Variants in UACA observed in about 807,000 individuals in gnomAD.
UACA encodes nuclear membrane binding protein.
In UACA, 112 loss-of-function variants were observed where a neutral mutation model predicts 160.5. The ratio of observed to expected loss-of-function variants is 0.70; its 90% CI spans 0.60 to 0.82. The LOEUF is 0.82. UACA is among the 40% of genes least tolerant of loss of function. The probability of loss-of-function intolerance (pLI) is 0.00; values close to 1 mark genes in which losing one functional copy is unlikely to be tolerated. For synonymous variants in UACA, 557 were observed against 568.4 expected (o/e 0.98, Z 0.29); for missense variants, 1,574 against 1,614.6 (o/e 0.97, Z 0.43).
the UACA span, among the ~76,000 whole-genome samples, chr15:70,771,360 G>A: frequency 6.6e-6 from 1 of 152,218 alleles, no homozygotes; most frequent in Non-Finnish European, 1.5e-5. Flanking sequence ...AAAAGGAAAA[G>A]GCACTGAATA....
chr15:70,699,541 C>T lies in UACA; in HGVS notation c.198G>A (p.Val66=). The change falls in exon 2 of 19, where the codon GTG becomes GTA. Residue 66 remains valine, a synonymous_variant. Transcript: ENST00000322954. ...KKGVNPGKLD[V]EGRSVFHVVT... ...ATAATACTTACACAGATCTGCCTTC[C>T]ACATCTAGTTTGCCTGGATTGACCC... The T allele has an allele frequency of 6.2e-7, 1 of 1,611,010 alleles. No individual in the cohort carries two copies. The highest frequency in any genetic ancestry group is 1.1e-5 in the South Asian group (1 of 90,834).
At chr15:70,722,327 T>C (rs530676836) in intron 1 of UACA, among the ~76,000 whole-genome samples, 124 of 152,244 alleles carry the variant, frequency 8.1e-4, no homozygotes, top group Middle Eastern at 3.4e-3. Context: ...ATCACTTTTT[T>C]TTTTTTTTGA....
intron 1 of UACA, chr15:70,758,531 A>G (rs2030561605): frequency 6.6e-6 from 1 of 152,168 alleles, no homozygotes; most frequent in Non-Finnish European, 1.5e-5. Context: ...AATGCACCCA[A>G]ATCCCTCAGT....
the UACA span, among the ~76,000 whole-genome samples, chr15:70,774,027 T>G: frequency 1.3e-5 from 2 of 152,270 alleles, no homozygotes; most frequent in South Asian, 4.1e-4. Flanking sequence ...AAGCACCACA[T>G]CTCACCCTTT....
rs1896472827 is a variant in UACA at position 70,656,323 on chromosome 15, C to T, written c.*733G>A. 6.6e-6 allele frequency: 1 copy of T among 151,978 alleles called. No homozygotes were observed. Among genetic ancestry groups the T allele is most frequent in the Non-Finnish European group, 1.5e-5 (1 of 67,996 alleles). The allele number at this position is 151,978 out of a possible 1,614,324, so 9.4% of individuals were successfully genotyped here. ...ATCTAGTATATCATCTATCATTATT[C>T]TCCAATATTGTGGCAAGAATAGTCA... On this transcript the variant is annotated 3_prime_UTR_variant, in exon 19 of 19. Transcript: ENST00000322954.
intron 1 of UACA, among the ~76,000 whole-genome samples, chr15:70,745,136 A>G (rs1051768009): frequency 1.9e-4 from 29 of 152,270 alleles, no homozygotes; most frequent in Non-Finnish European, 5.9e-5. Flanking sequence ...AGGAAATAAG[A>G]GAGGACACAA....
intron 15 of UACA, among the ~76,000 whole-genome samples, chr15:70,670,807 A>G (rs530219142): frequency 6.6e-6 from 1 of 152,302 alleles, no homozygotes; most frequent in African/African-American, 2.4e-5. Context: ...TGAAACTATA[A>G]TTCAAATCTC....
intron 8 of UACA, among the ~76,000 whole-genome samples, chr15:70,683,082 A>G (rs1366822033): frequency 1.3e-5 from 2 of 152,094 alleles, no homozygotes; most frequent in East Asian, 1.9e-4. Flanking sequence ...TAGGCTGGGT[A>G]TGGTGGCTCA....
At chr15:70,760,549 C>T (rs1176038382) in intron 1 of UACA, among the ~76,000 whole-genome samples, 1 of 152,146 alleles carries the variant, frequency 6.6e-6, no homozygotes, top group Non-Finnish European at 1.5e-5. Flanking sequence ...TGGCTCACGC[C>T]TGTAATCCCA....
At chr15:70,772,829 C>A in the UACA span, among the ~76,000 whole-genome samples, 2 of 152,172 alleles carry the variant, frequency 1.3e-5, no homozygotes, top group African/African-American at 2.4e-5. Flanking sequence ...TGGCTCACGC[C>A]TGTAATTCCA....
chr15:70,723,672 G>A (rs1005783070), intron 1 of UACA, among the ~76,000 whole-genome samples: 6 of 141,812 alleles, frequency 4.2e-5, no homozygotes, highest in East Asian at 4.1e-4. Flanking sequence ...TCGCTCTGTC[G>A]CCCAGGCTGG....
At chr15:70,701,512 T>C (rs932910034) in intron 1 of UACA, among the ~76,000 whole-genome samples, 2 of 152,326 alleles carry the variant, frequency 1.3e-5, no homozygotes, top group Admixed American at 6.5e-5. Context: ...AAAAGAGCCA[T>C]TTAAATCACC....
At chr15:70,698,431 A>C (rs1372511454) in intron 2 of UACA, among the ~76,000 whole-genome samples, 1 of 152,246 alleles carries the variant, frequency 6.6e-6, no homozygotes, top group South Asian at 2.1e-4. Flanking sequence ...TAAATAGCTT[A>C]AAATTCAGTA....
chr15:70,756,697 AC>A (rs1316964001), intron 1 of UACA, among the ~76,000 whole-genome samples: 1 of 151,752 alleles, frequency 6.6e-6, no homozygotes, highest in East Asian at 2.0e-4. Flanking sequence ...ACATGGCAAA[AC>A]CCTGTCTCTA....
intron 1 of UACA, among the ~76,000 whole-genome samples, chr15:70,738,169 A>T (rs1899425307): frequency 6.6e-6 from 1 of 152,138 alleles, no homozygotes; most frequent in African/African-American, 2.4e-5. Flanking sequence ...AATAAACTTC[A>T]TTTATATTCA....
chr15:70,748,478 A>G lies in UACA; in HGVS notation c.78+14852T>C, dbSNP rs140966537. ...TGGGGCATGAAGTTAGAAATTAAAA[A>G]GGAATAAAAGCCCAACAGAAGCCAG... On this transcript the variant is annotated intron_variant, in intron 1 of 18. Transcript: ENST00000322954. 6.1e-4 allele frequency among the ~76,000 whole-genome samples: 93 copies of G among 152,302 alleles called. 1 individual carries two copies. The East Asian group carries it at 0.017, about 28-fold the overall frequency.
rs1057295783 is a variant in UACA, at chr15:70,682,946, G to A, written c.785-151C>T. The A allele has an allele frequency of 1.1e-5, 5 of 461,226 alleles. No homozygotes were observed. The Admixed American group carries it at 1.3e-4, about 12-fold the overall frequency. 28.6% of individuals were successfully genotyped at this position (461,226 alleles called of 1,614,324 possible). A position where few individuals can be genotyped will look rare whatever the true frequency, so the allele number is the denominator to read the frequency against. On this transcript the variant is annotated intron_variant, in intron 8 of 18. Transcript: ENST00000322954. ...AACTTTTTAGTTTTATTTCTAAAAC[G>A]TATGCTTGAAACAATAATGACATCT...
At chr15:70,727,368 TATTA>T (rs1237352321) in intron 1 of UACA, among the ~76,000 whole-genome samples, 1 of 152,214 alleles carries the variant, frequency 6.6e-6, no homozygotes, top group Admixed American at 6.5e-5. Context: ...TTTCTCATTT[TATTA>T]AATTAAAAAT....
rs1353688055 is a variant in UACA, at chr15:70,654,793, G to A, written c.*2263C>T. 6.6e-6 allele frequency: 1 copy of A among 152,188 alleles called. No individual in the cohort carries two copies. Among genetic ancestry groups the A allele is most frequent in the Non-Finnish European group, 1.5e-5 (1 of 68,040 alleles). 9.4% of individuals were successfully genotyped at this position (152,188 alleles called of 1,614,324 possible). ...TCTTTCCTCTTGGCCATATGTTCAG[G>A]TCTCATAGTCTTTCTGAACACAGAA... On this transcript the variant is annotated 3_prime_UTR_variant, in exon 19 of 19. Transcript: ENST00000322954.
Sources: allele counts gnomAD v4.1 joint callset (sites outside exome capture counted in the v4.1 genomes callset), GRCh38; gene constraint gnomAD v4.1.1; transcripts MANE v1.5; gene names NCBI Gene and HGNC (gene_info 2026-07-23, HGNC 2026-07-21).